XPR1: variants seen among roughly 807,000 people sequenced by gnomAD.
XPR1 encodes solute carrier family 53 member 1.
XPR1 carries 28 observed loss-of-function variants against 87.5 expected under a neutral mutation model. That is an observed-to-expected ratio of 0.32 (90% confidence interval 0.24 to 0.44). The LOEUF is 0.44. XPR1 is among the 20% of genes least tolerant of loss of function. The probability of loss-of-function intolerance (pLI) is 1.00; values close to 1 mark genes in which losing one functional copy is unlikely to be tolerated. For synonymous variants in XPR1, 300 were observed against 306.1 expected (o/e 0.98, Z 0.21); for missense variants, 559 against 862.3 (o/e 0.65, Z 4.41).
chr1:180,696,357 G>T (rs1202734476), intron 2 of XPR1, among the ~76,000 whole-genome samples: 1 of 151,558 alleles, frequency 6.6e-6, no homozygotes, highest in Non-Finnish European at 1.5e-5. Context: ...CTTCTAAGAG[G>T]TTTTTTTGGT....
chr1:180,754,827 C>T (rs1360013323), intron 2 of XPR1, among the ~76,000 whole-genome samples: 4 of 152,058 alleles, frequency 2.6e-5, no homozygotes, highest in Admixed American at 2.6e-4. Context: ...AATTTCATGT[C>T]TTCCTTTCTT....
intron 2 of XPR1, among the ~76,000 whole-genome samples, chr1:180,738,278 T>C (rs1188566977): frequency 6.6e-6 from 1 of 152,174 alleles, no homozygotes; most frequent in Non-Finnish European, 1.5e-5. Context: ...CCCAAAGTGC[T>C]AGGATTACAG....
chr1:180,805,817 G>T lies in XPR1; in HGVS notation c.448-245G>T, dbSNP rs563435001. Reference sequence around the variant, plus strand: ...GACTTTCATTAATTTACTTGAAAGAGAAATAATAGGGTTCATAGTTCAGGG... The same window carrying T: ...GACTTTCATTAATTTACTTGAAAGATAAATAATAGGGTTCATAGTTCAGGG... On this transcript the variant is annotated intron_variant, in intron 4 of 14. Transcript: ENST00000367590. 1.8e-3 allele frequency among the ~76,000 whole-genome samples: 271 copies of T among 152,254 alleles called. 1 individual carries two copies. The highest frequency in any genetic ancestry group is 6.3e-3 in the African/African-American group (260 of 41,560).
At chr1:180,666,325 A>G (rs1027846586) in intron 1 of XPR1, among the ~76,000 whole-genome samples, 1 of 152,194 alleles carries the variant, frequency 6.6e-6, no homozygotes, top group Non-Finnish European at 1.5e-5. Context: ...TCTGCAAGAA[A>G]GATGTTTAGG....
intron 7 of XPR1, among the ~76,000 whole-genome samples, chr1:180,812,941 G>A (rs186223430): frequency 1.3e-3 from 195 of 151,884 alleles, no homozygotes; most frequent in African/African-American, 4.6e-3. Flanking sequence ...GAGCCACCGC[G>A]CCCGGCCAGC....
At chr1:180,728,299 G>GC (rs911963783) in intron 2 of XPR1, among the ~76,000 whole-genome samples, 1 of 133,620 alleles carries the variant, frequency 7.5e-6, no homozygotes, top group Admixed American at 7.9e-5. Context: ...TTTATAACTG[G>GC]GGGGGGGGGT....
At chr1:180,761,939 C>T (rs1250945207) in intron 2 of XPR1, among the ~76,000 whole-genome samples, 1 of 151,900 alleles carries the variant, frequency 6.6e-6, no homozygotes, top group Non-Finnish European at 1.5e-5. Flanking sequence ...TACTATGCAG[C>T]CATAAAAAAT....
At chr1:180,744,733 C>T (rs111414984) in intron 2 of XPR1, among the ~76,000 whole-genome samples, 2 of 147,852 alleles carry the variant, frequency 1.4e-5, no homozygotes, top group East Asian at 2.0e-4. Context: ...TCACTGCAGC[C>T]TCCGCCTCCC....
At chr1:180,813,185 T>G (rs1192982032) in intron 7 of XPR1, among the ~76,000 whole-genome samples, 1 of 143,430 alleles carries the variant, frequency 7.0e-6, no homozygotes, top group Non-Finnish European at 1.6e-5. Context: ...GATATTATAT[T>G]GTCATCTTCC....
intron 11 of XPR1, among the ~76,000 whole-genome samples, chr1:180,852,803 A>T (rs192266946): frequency 2.8e-4 from 43 of 152,362 alleles, no homozygotes; most frequent in African/African-American, 9.4e-4. Flanking sequence ...TTGGGATTAC[A>T]GGCGTGAGCC....
intron 1 of XPR1, among the ~76,000 whole-genome samples, chr1:180,675,921 A>G (rs535041676): frequency 6.6e-6 from 1 of 152,314 alleles, no homozygotes; most frequent in East Asian, 1.9e-4. Context: ...GTTCTTTTAG[A>G]GATCATTACT....
chr1:180,808,434 C>A (rs1650082119), intron 6 of XPR1, among the ~76,000 whole-genome samples: 2 of 152,016 alleles, frequency 1.3e-5, no homozygotes, highest in African/African-American at 4.8e-5. Flanking sequence ...GCAAAGATTT[C>A]TTAGAAATGA....
chr1:180,879,633 G>T (rs1652781534), intron 13 of XPR1, among the ~76,000 whole-genome samples: 1 of 152,122 alleles, frequency 6.6e-6, no homozygotes, highest in Non-Finnish European at 1.5e-5. Context: ...TCCCTAACCA[G>T]TCTTAATGAT....
chr1:180,718,820 C>T (rs1238118449), intron 2 of XPR1, among the ~76,000 whole-genome samples: 1 of 152,056 alleles, frequency 6.6e-6, no homozygotes, highest in African/African-American at 2.4e-5. Context: ...AGGTGCCCAC[C>T]ACCACAGCTG....
At chr1:180,819,195 C>A (rs1412571313) in intron 7 of XPR1, among the ~76,000 whole-genome samples, 1 of 152,198 alleles carries the variant, frequency 6.6e-6, no homozygotes, top group Admixed American at 6.5e-5. Flanking sequence ...CTCCAGTGAT[C>A]CTCCCACTTT....
intron 1 of XPR1, among the ~76,000 whole-genome samples, chr1:180,648,519 G>A (rs1267829895): frequency 6.6e-6 from 1 of 152,042 alleles, no homozygotes; most frequent in Non-Finnish European, 1.5e-5. Context: ...CTGATTTTTT[G>A]TTTTTGAGAT....
intron 2 of XPR1, among the ~76,000 whole-genome samples, chr1:180,782,145 AT>A (rs11405062): frequency 4.6e-4 from 70 of 151,414 alleles, no homozygotes; most frequent in Non-Finnish European, 5.9e-4. Flanking sequence ...CCTGTTTTTT[AT>A]TTTTTTTCTC....
intron 11 of XPR1, among the ~76,000 whole-genome samples, chr1:180,860,763 T>C (rs1172079266): frequency 6.6e-6 from 1 of 150,750 alleles, no homozygotes; most frequent in Non-Finnish European, 1.5e-5. Flanking sequence ...TAGTGATGGG[T>C]ACATGACTCT....
chr1:180,816,601 C>A (rs546346769), intron 7 of XPR1, among the ~76,000 whole-genome samples: 2 of 152,306 alleles, frequency 1.3e-5, no homozygotes, highest in East Asian at 3.9e-4. Context: ...CAGCAGACTG[C>A]AGATATGAAG....
Sources: gnomAD v4.1 joint callset for allele counts (sites outside exome capture counted in the v4.1 genomes callset) on GRCh38, gnomAD v4.1.1 for gene constraint, MANE v1.5 for transcripts, NCBI Gene and HGNC (gene_info 2026-07-23, HGNC 2026-07-21) for gene names.